The following BMPR2 variants were observed in gnomAD, a reference collection of about 807,000 sequenced individuals.
BMPR2 encodes bone morphogenetic protein receptor type 2, also known as bone morphogenetic protein receptor type-2.
A neutral mutation model predicts 100.8 loss-of-function variants in BMPR2; 29 were observed. That is an observed-to-expected ratio of 0.29 (90% CI 0.21 to 0.39). The LOEUF (loss-of-function observed/expected upper bound fraction) is 0.39. Among genes scored for constraint, BMPR2 ranks in the 10% least tolerant of loss-of-function variants. The pLI, the probability that BMPR2 is intolerant of heterozygous loss-of-function variation, is 1.00. For synonymous variants in BMPR2, 382 were observed against 442.3 expected (o/e 0.86, Z 1.71); for missense variants, 1,011 against 1,274.5 (o/e 0.79, Z 3.15).
At chr2:202,430,421 T>G (rs1192713574) in intron 1 of BMPR2, among the ~76,000 whole-genome samples, 2 of 152,238 alleles carry the variant, frequency 1.3e-5, no homozygotes, top group African/African-American at 4.8e-5. Flanking sequence ...TTTTAAAATA[T>G]TCTTCAGACT....
chr2:202,463,068 G>T (rs1327074447), intron 1 of BMPR2, among the ~76,000 whole-genome samples: 1 of 151,944 alleles, frequency 6.6e-6, no homozygotes, highest in Non-Finnish European at 1.5e-5. Context: ...CCTTTAAGAG[G>T]TTCTATTTTT....
intron 10 of BMPR2, among the ~76,000 whole-genome samples, chr2:202,544,003 TA>T (rs912688626): frequency 2.6e-5 from 4 of 151,044 alleles, no homozygotes; most frequent in Admixed American, 6.6e-5. Flanking sequence ...CCTGTCTCTT[TA>T]AAAAAAAATG....
At chr2:202,395,166 G>A (rs763927859) in intron 1 of BMPR2, among the ~76,000 whole-genome samples, 8 of 152,146 alleles carry the variant, frequency 5.3e-5, no homozygotes, top group Admixed American at 1.3e-4. Context: ...ACAGGCATGC[G>A]CCACCACGCC....
intron 1 of BMPR2, among the ~76,000 whole-genome samples, chr2:202,454,393 T>C (rs943475228): frequency 5.3e-5 from 8 of 152,318 alleles, no homozygotes; most frequent in African/African-American, 1.7e-4. Context: ...AATTTAAATA[T>C]GCAGATGCTA....
At chr2:202,489,295 G>A (rs1315535535) in intron 3 of BMPR2, among the ~76,000 whole-genome samples, 2 of 152,142 alleles carry the variant, frequency 1.3e-5, no homozygotes, top group Non-Finnish European at 2.9e-5. Context: ...GAGCCACCAC[G>A]CCCGGCCTTT....
intron 10 of BMPR2, among the ~76,000 whole-genome samples, chr2:202,550,314 A>G (rs1461686440): frequency 6.7e-6 from 1 of 149,820 alleles, no homozygotes. Context: ...TGGAGCTTGC[A>G]GTGAGCCGAG....
chr2:202,446,339 GGTGAGCCAA>G (rs1355537225), intron 1 of BMPR2, among the ~76,000 whole-genome samples: 1 of 150,116 alleles, frequency 6.7e-6, no homozygotes, highest in East Asian at 2.0e-4. Flanking sequence ...CAGAAGTTGT[GGTGAGCCAA>G]GATTGCGCCA....
intron 1 of BMPR2, among the ~76,000 whole-genome samples, chr2:202,418,500 A>G (rs1691185722): frequency 6.6e-6 from 1 of 152,234 alleles, no homozygotes; most frequent in Non-Finnish European, 1.5e-5. Flanking sequence ...CCCTCAGGCA[A>G]TCCTGAGAAC....
chr2:202,500,781 C>A lies in BMPR2; in HGVS notation c.419-12938C>A, dbSNP rs932786680. 1.4e-4 allele frequency among the ~76,000 whole-genome samples: 21 copies of A among 152,280 alleles called. No homozygotes were observed. In the South Asian group the frequency reaches 2.5e-3, roughly 18 times the overall value. Reference sequence around the variant, plus strand: ...TATCCAGTTGTACCCAACCCCTATACCCTGCTCTCTCAAATACCAGAGGAA... The same window carrying A: ...TATCCAGTTGTACCCAACCCCTATAACCTGCTCTCTCAAATACCAGAGGAA... On this transcript the variant is annotated intron_variant, in intron 3 of 12. Transcript: ENST00000374580.
At chr2:202,407,999 A>AT (rs954501662) in intron 1 of BMPR2, among the ~76,000 whole-genome samples, 1 of 151,180 alleles carries the variant, frequency 6.6e-6, no homozygotes, top group African/African-American at 2.4e-5. Flanking sequence ...ACGCCTGGCT[A>AT]TTTTTTTGTA....
At chr2:202,510,629 C>T (rs1233896342) in intron 3 of BMPR2, among the ~76,000 whole-genome samples, 5 of 151,496 alleles carry the variant, frequency 3.3e-5, no homozygotes, top group African/African-American at 7.3e-5. Context: ...AATAGTTTAT[C>T]TTTTAGGTTT....
intron 7 of BMPR2, among the ~76,000 whole-genome samples, chr2:202,523,183 T>C (rs1038950936): frequency 1.3e-5 from 2 of 152,188 alleles, no homozygotes; most frequent in African/African-American, 2.4e-5. Flanking sequence ...CACAATGATA[T>C]ACTATCTTAC....
At chr2:202,478,686 A>G (rs1692596664) in intron 3 of BMPR2, among the ~76,000 whole-genome samples, 1 of 152,220 alleles carries the variant, frequency 6.6e-6, no homozygotes, top group South Asian at 2.1e-4. Flanking sequence ...AAGTTGGTGG[A>G]TCACTTGAGC....
intron 1 of BMPR2, among the ~76,000 whole-genome samples, chr2:202,435,376 C>CATACATACAT (rs1553500538): frequency 1.9e-5 from 2 of 103,450 alleles, no homozygotes; most frequent in African/African-American, 8.4e-5. Context: ...AAAAAAAATA[C>CATACATACAT]ATATATATAT....
At position 202,407,268 on chromosome 2, in the gene BMPR2, G is replaced by A. The variant is rs761441065; in HGVS notation, c.76+29718G>A. On this transcript the variant is annotated intron_variant, in intron 1 of 12. Coordinates refer to ENST00000374580, the MANE Select transcript of BMPR2 (RefSeq NM_001204.7). ...TAATTTTTGTATTTTTATTAGAGAC[G>A]GGACTTTGCCATGTTGCTCAGGCTG... 3.3e-5 allele frequency among the ~76,000 whole-genome samples: 5 copies of A among 151,088 alleles called. No homozygotes were observed. The East Asian group carries it at 5.8e-4, about 18-fold the overall frequency.
intron 7 of BMPR2, among the ~76,000 whole-genome samples, chr2:202,528,472 C>G (rs1412122308): frequency 1.3e-5 from 2 of 152,162 alleles, no homozygotes; most frequent in African/African-American, 4.8e-5. Flanking sequence ...CAGGCGTGAG[C>G]CAGCACGCCT....
chr2:202,553,045 A>G (rs755685144), intron 11 of BMPR2, among the ~76,000 whole-genome samples, 157 bp downstream of exon 11: 2 of 152,222 alleles, frequency 1.3e-5, no homozygotes, highest in Non-Finnish European at 2.9e-5. Flanking sequence ...CTATTCTTCT[A>G]TTGAACATTT....
intron 1 of BMPR2, among the ~76,000 whole-genome samples, chr2:202,383,497 G>A (rs1224220658): frequency 3.3e-5 from 5 of 151,970 alleles, no homozygotes; most frequent in Admixed American, 2.6e-4. Flanking sequence ...CCCGGCCAAC[G>A]TGGTGAAACC....
chr2:202,518,397 C>T (rs908159725), intron 5 of BMPR2, among the ~76,000 whole-genome samples: 2 of 152,064 alleles, frequency 1.3e-5, no homozygotes, highest in Non-Finnish European at 2.9e-5. Context: ...CTCAGCCTCC[C>T]AAAGTGCTGA....
Sources: allele counts gnomAD v4.1 joint callset (sites outside exome capture counted in the v4.1 genomes callset), GRCh38; gene constraint gnomAD v4.1.1; transcripts MANE v1.5; gene names NCBI Gene and HGNC (gene_info 2026-07-23, HGNC 2026-07-21).